Variants in VPS41 observed in about 807,000 individuals in gnomAD.
VPS41 encodes the protein vacuolar protein sorting-associated protein 41 homolog.
A neutral mutation model predicts 130.9 loss-of-function variants in VPS41; 85 were observed. That is an observed-to-expected ratio of 0.65 (90% CI 0.55 to 0.78). The LOEUF is 0.78. Among genes scored for constraint, VPS41 ranks in the 30% least tolerant of loss-of-function variants. The pLI is 0.00. For missense variants in VPS41, 874 were observed against 1,018.7 expected, an observed-to-expected ratio of 0.86 and a Z score of 1.93; for synonymous variants, 335 against 332.9, an observed-to-expected ratio of 1.01 and a Z score of -0.07.
intron 14 of VPS41, among the ~76,000 whole-genome samples, chr7:38,769,349 T>G (rs1280458071): frequency 1.3e-5 from 2 of 152,208 alleles, no homozygotes; most frequent in African/African-American, 4.8e-5. Context: ...TACATTTAAA[T>G]ATGAATATGC....
intron 9 of VPS41, among the ~76,000 whole-genome samples, chr7:38,791,243 C>T (rs936084985): frequency 6.6e-6 from 1 of 152,236 alleles, no homozygotes. Flanking sequence ...CTTCTTCCCA[C>T]ACTTACTAGG....
chr7:38,741,537 A>T (rs927188581), intron 25 of VPS41, among the ~76,000 whole-genome samples: 13 of 152,236 alleles, frequency 8.5e-5, no homozygotes, highest in Non-Finnish European at 4.4e-5. Context: ...CAGGCAACAG[A>T]CTACTGAATG....
chr7:38,893,565 C>T (rs7784065), intron 2 of VPS41, among the ~76,000 whole-genome samples: 142,027 of 152,362 alleles, frequency 0.93, 66,352 homozygotes, highest in East Asian at 1. Flanking sequence ...GTCTGGCTCA[C>T]AATATCAAGG....
intron 2 of VPS41, among the ~76,000 whole-genome samples, chr7:38,876,806 C>T (rs909244765): frequency 3.2e-4 from 49 of 152,232 alleles, no homozygotes; most frequent in African/African-American, 1.1e-3. Context: ...ATTAGAATTT[C>T]ATGTTCAATT....
At chr7:38,903,615 T>A (rs1448985842) in intron 1 of VPS41, among the ~76,000 whole-genome samples, 1 of 152,212 alleles carries the variant, frequency 6.6e-6, no homozygotes, top group East Asian at 1.9e-4. Context: ...ACCTTCTCTG[T>A]CTTCCCAACA....
At chr7:38,745,338 G>A (rs1163811447) in intron 23 of VPS41, among the ~76,000 whole-genome samples, 1 of 152,136 alleles carries the variant, frequency 6.6e-6, no homozygotes, top group Non-Finnish European at 1.5e-5. Flanking sequence ...ATTTTGATAT[G>A]TTGATTATAC....
At chr7:38,897,952 C>A (rs749195765) in intron 2 of VPS41, 139 bp downstream of exon 2, 1 of 586,528 alleles carries the variant, frequency 1.7e-6, no homozygotes, top group Non-Finnish European at 3.0e-6. Flanking sequence ...ATATTAAAAG[C>A]TCTTCCCCAA....
At position 38,754,690 on chromosome 7, in the gene VPS41, T is replaced by G. The variant is rs1179694792; in HGVS notation, c.1788+12A>C. On this transcript the variant is annotated intron_variant, in intron 21 of 28. Coordinates refer to ENST00000310301, the MANE Select transcript of VPS41 (RefSeq NM_014396.4). Reference sequence around the variant, plus strand: ...AATCAAAAGGGCAAAAGGAGGAGACTGCCATGCTCACCACATGCTGTAGCT... The same window carrying G: ...AATCAAAAGGGCAAAAGGAGGAGACGGCCATGCTCACCACATGCTGTAGCT... 6.2e-7 allele frequency: 1 copy of G among 1,612,208 alleles called. No individual in the cohort carries two copies. Among genetic ancestry groups the G allele is most frequent in the Non-Finnish European group, 8.5e-7 (1 of 1,178,638 alleles).
intron 7 of VPS41, among the ~76,000 whole-genome samples, chr7:38,815,021 A>T (rs543378821): frequency 6.6e-6 from 1 of 152,180 alleles, no homozygotes. Flanking sequence ...AGGGCCTAAC[A>T]GCTAAGCCAC....
chr7:38,899,874 T>A (rs994609919), intron 1 of VPS41, among the ~76,000 whole-genome samples: 2 of 152,178 alleles, frequency 1.3e-5, no homozygotes, highest in African/African-American at 4.8e-5. Flanking sequence ...TAAGGAAATT[T>A]TTTTTTCCTC....
At chr7:38,781,373 G>A (rs895795815) in intron 10 of VPS41, among the ~76,000 whole-genome samples, 1 of 152,148 alleles carries the variant, frequency 6.6e-6, no homozygotes, top group Non-Finnish European at 1.5e-5. Context: ...AGGTCTAGAT[G>A]CCCAAGTTTT....
chr7:38,897,893 TTTC>T (rs1337642148), intron 2 of VPS41, among the ~76,000 whole-genome samples, 195 bp downstream of exon 2: 1 of 152,198 alleles, frequency 6.6e-6, no homozygotes, highest in Non-Finnish European at 1.5e-5. Flanking sequence ...TTTTGTTCCT[TTTC>T]TTATTTTTTA....
chr7:38,818,940 A>C (rs1049892505), intron 6 of VPS41, among the ~76,000 whole-genome samples: 3 of 152,184 alleles, frequency 2.0e-5, no homozygotes, highest in Non-Finnish European at 4.4e-5. Flanking sequence ...TCATTGCTCT[A>C]AACACTCCTA....
At chr7:38,806,824 A>T (rs1784847393) in intron 7 of VPS41, among the ~76,000 whole-genome samples, 1 of 152,204 alleles carries the variant, frequency 6.6e-6, no homozygotes, top group Non-Finnish European at 1.5e-5. Context: ...AGAAAAGCTG[A>T]CAACCAGAAG....
chr7:38,738,617 A>C (rs192268528), intron 25 of VPS41, among the ~76,000 whole-genome samples: 226 of 152,356 alleles, frequency 1.5e-3, no homozygotes, highest in African/African-American at 5.3e-3. Flanking sequence ...ATAAACTGGA[A>C]ACTGGTCAGT....
In VPS41 at chr7:38,757,064, T is replaced by A. The variant is rs1228962916; in HGVS notation, c.1551-82A>T. 8 of 1,137,614 alleles carry A rather than the reference T, an allele frequency of 7.0e-6. No homozygotes were observed. The Admixed American group carries it at 1.2e-4, about 17-fold the overall frequency. The allele number at this position is 1,137,614 out of a possible 1,614,324, so 70.5% of individuals were successfully genotyped here. On this transcript the variant is annotated intron_variant, in intron 18 of 28. Coordinates refer to ENST00000310301, the MANE Select transcript of VPS41 (RefSeq NM_014396.4). ...ACAGAGAGATCATGGTTCACAATAT[T>A]AAAAATGGAAACACTCCTTTAGAGA...
At chr7:38,826,452 A>C (rs1312689783) in intron 5 of VPS41, among the ~76,000 whole-genome samples, 1 of 152,206 alleles carries the variant, frequency 6.6e-6, no homozygotes, top group Non-Finnish European at 1.5e-5. Context: ...AAAACTAGAA[A>C]ACTGTTTGGC....
chr7:38,727,048 C>T, intron 27 of VPS41, 60 bp from the exon 28 acceptor site: 4 of 1,402,222 alleles, frequency 2.9e-6, no homozygotes, highest in Non-Finnish European at 3.8e-6. Context: ...TCATTTTAAA[C>T]CAATCCCGAC....
At chr7:38,771,047 G>T in intron 14 of VPS41, 151 bp downstream of exon 14, 1 of 644,406 alleles carries the variant, frequency 1.6e-6, no homozygotes, top group Non-Finnish European at 2.6e-6. Context: ...AAACTGATTT[G>T]ATAAAATATT....
Sources: gnomAD v4.1 joint callset for allele counts (sites outside exome capture counted in the v4.1 genomes callset) on GRCh38, gnomAD v4.1.1 for gene constraint, MANE v1.5 for transcripts, NCBI Gene and HGNC (gene_info 2026-07-23, HGNC 2026-07-21) for gene names.